The following MKRN2 variants were observed in gnomAD, a reference collection of about 807,000 sequenced individuals.
MKRN2 encodes the protein E3 ubiquitin-protein ligase makorin-2.
A neutral mutation model predicts 45.4 loss-of-function variants in MKRN2; 32 were observed. The observed-to-expected ratio is 0.70, with a 90% CI of 0.53 to 0.95. The LOEUF (loss-of-function observed/expected upper bound fraction) is 0.95, where lower values mean the gene tolerates loss of function less well. Ranked by LOEUF, MKRN2 falls within the 40% of genes least tolerant of loss-of-function variation. MKRN2 has a pLI of 0.00. For synonymous variants in MKRN2, 206 were observed against 192.4 expected, an observed-to-expected ratio of 1.07 and a Z score of -0.59; for missense variants, 526 against 536.7, an observed-to-expected ratio of 0.98 and a Z score of 0.20.
Position 12,576,713 on chromosome 3 carries a change from T to C in MKRN2, c.940T>C (p.Leu314=), listed in dbSNP as rs961314987. ...WVEDQNKKNE[L]IEAFKQGMGK... ...GGAAGATCAGAATAAAAAGAACGAGTTGATTGAAGCTTTCAAACAGGGGAT... is the reference window on the plus strand; with the variant it reads ...GGAAGATCAGAATAAAAAGAACGAGCTGATTGAAGCTTTCAAACAGGGGAT... Residue 314 remains leucine (L), a synonymous_variant, in exon 6 of 8, where the codon TTG becomes CTG. Coordinates refer to ENST00000170447, the MANE Select transcript of MKRN2 (RefSeq NM_014160.5). 2 of 1,607,506 alleles carry C rather than the reference T, an allele frequency of 1.2e-6. No individual in the cohort carries two copies. The highest frequency in any genetic ancestry group is 8.5e-7 in the Non-Finnish European group (1 of 1,174,788).
At chr3:12,582,084 T>C (rs2058184676) in intron 7 of MKRN2, 32 bp from the exon 8 acceptor site, 1 of 1,613,866 alleles carries the variant, frequency 6.2e-7, no homozygotes, top group African/African-American at 1.3e-5. Flanking sequence ...CTCTTAGCAG[T>C]AACCAGGCAT....
At chr3:12,560,970 CAG>C (rs1462598080) in intron 1 of MKRN2, 1 of 152,170 alleles carries the variant, frequency 6.6e-6, no homozygotes, top group Non-Finnish European at 1.5e-5. Flanking sequence ...AAGCACATGA[CAG>C]AGATGCCCCA....
chr3:12,583,451 A>C lies in MKRN2; in HGVS notation c.*1198A>C, dbSNP rs979855024. ...CTTAACTCTTCAGTAGAGGTTTACA[A>C]AGAGTACAAAGGTTAAATTACAAAT... On this transcript the variant is annotated 3_prime_UTR_variant, in exon 8 of 8. Transcript: ENST00000170447. The C allele has an allele frequency of 5.1e-6, 1 of 194,434 alleles. No individual in the cohort carries two copies. The highest frequency in any genetic ancestry group is 1.1e-5 in the Non-Finnish European group (1 of 93,662). 12.0% of individuals were successfully genotyped at this position (194,434 alleles called of 1,614,324 possible).
intron 1 of MKRN2, among the ~76,000 whole-genome samples, chr3:12,565,933 G>A (rs2058066903): frequency 6.6e-6 from 1 of 152,078 alleles, no homozygotes; most frequent in South Asian, 2.1e-4. Context: ...GTACAGTGGT[G>A]CAAACAGAGC....
intron 1 of MKRN2, among the ~76,000 whole-genome samples, chr3:12,562,732 G>A (rs1461238435): frequency 6.6e-6 from 1 of 152,012 alleles, no homozygotes; most frequent in Admixed American, 6.6e-5. Flanking sequence ...GATTCTAATA[G>A]AAGCACTAAC....
At chr3:12,567,737 C>T (rs940309289) in intron 1 of MKRN2, among the ~76,000 whole-genome samples, 16 of 152,100 alleles carry the variant, frequency 1.1e-4, no homozygotes, top group East Asian at 1.9e-4. Flanking sequence ...GTGATGCGCC[C>T]GCCTTGGCCT....
At chr3:12,570,360 C>G (rs947219706) in intron 3 of MKRN2, 108 bp downstream of exon 3, 10 of 1,113,042 alleles carry the variant, frequency 9.0e-6, no homozygotes, top group Non-Finnish European at 1.3e-5. Context: ...ACCTAATACA[C>G]CTCCAGATTG....
At chr3:12,573,240 G>C (rs2058110656) in intron 4 of MKRN2, among the ~76,000 whole-genome samples, 1 of 152,038 alleles carries the variant, frequency 6.6e-6, no homozygotes, top group Non-Finnish European at 1.5e-5. Context: ...AGAGGCGGGG[G>C]AGGGCCAGGC....
At chr3:12,579,865 C>G (rs2058166178) in intron 6 of MKRN2, among the ~76,000 whole-genome samples, 2 of 151,900 alleles carry the variant, frequency 1.3e-5, no homozygotes, top group African/African-American at 2.4e-5. Flanking sequence ...CTTTGGGAGG[C>G]TGAGGAGGGC....
chr3:12,569,921 A>G, intron 2 of MKRN2, 150 bp from the exon 3 acceptor site: 1 of 681,892 alleles, frequency 1.5e-6, no homozygotes, highest in Non-Finnish European at 2.4e-6. Context: ...TTAATAATCG[A>G]TAATCCTGTT....
chr3:12,575,037 A>G (rs2058122872), intron 5 of MKRN2, 31 bp downstream of exon 5: 2 of 1,578,732 alleles, frequency 1.3e-6, no homozygotes, highest in Non-Finnish European at 1.7e-6. Flanking sequence ...TAGCTGTGGG[A>G]GCTAGGAGAA....
intron 2 of MKRN2, among the ~76,000 whole-genome samples, 191 bp downstream of exon 2, chr3:12,569,194 C>G (rs916854760): frequency 1.3e-5 from 2 of 151,828 alleles, no homozygotes; most frequent in African/African-American, 4.8e-5. Context: ...TAGAGTCTCT[C>G]ACTGTTGCCC....
At chr3:12,564,030 C>T (rs1332177182) in intron 1 of MKRN2, among the ~76,000 whole-genome samples, 1 of 151,840 alleles carries the variant, frequency 6.6e-6, no homozygotes, top group Non-Finnish European at 1.5e-5. Flanking sequence ...ACTGCAACCT[C>T]TCCCTCCCAG....
Position 12,576,623 on chromosome 3 carries a change from T to G in MKRN2, c.858-8T>G. 1.3e-6 allele frequency: 2 copies of G among 1,572,864 alleles called. No individual in the cohort carries two copies. Among genetic ancestry groups the G allele is most frequent in the Non-Finnish European group, 1.7e-6 (2 of 1,143,446 alleles). ...ACTTCTCCCTTAGTAATCTAATTCTTATTTCAGGTCTTGTCCAGAATGCCG... is the reference window on the plus strand; with the variant it reads ...ACTTCTCCCTTAGTAATCTAATTCTGATTTCAGGTCTTGTCCAGAATGCCG... On this transcript the variant is annotated splice_polypyrimidine_tract_variant and splice_region_variant and intron_variant, in intron 5 of 7. Coordinates refer to ENST00000170447, the MANE Select transcript of MKRN2 (RefSeq NM_014160.5).
intron 1 of MKRN2, among the ~76,000 whole-genome samples, chr3:12,564,886 G>T (rs1237069582): frequency 6.6e-6 from 1 of 152,284 alleles, no homozygotes; most frequent in East Asian, 1.9e-4. Context: ...GTGGTCTTTT[G>T]TGTCCAGCTT....
intron 5 of MKRN2, 94 bp from the exon 6 acceptor site, chr3:12,576,537 G>C: frequency 1.3e-6 from 1 of 777,574 alleles, no homozygotes. Context: ...GGAAATGCCT[G>C]TAGTGGTGAG....
intron 1 of MKRN2, among the ~76,000 whole-genome samples, chr3:12,565,709 G>A (rs36057901): frequency 0.072 from 10,889 of 151,592 alleles, 515 homozygotes; most frequent in Admixed American, 0.16. Context: ...CTAATTTTTT[G>A]TATATTTTTT....
chr3:12,579,319 G>A (rs1575523618), intron 6 of MKRN2, among the ~76,000 whole-genome samples: 1 of 151,936 alleles, frequency 6.6e-6, no homozygotes, highest in Non-Finnish European at 1.5e-5. Flanking sequence ...TGTGCGCCAC[G>A]ACACCCAGCT....
intron 6 of MKRN2, among the ~76,000 whole-genome samples, chr3:12,579,997 G>A (rs1442612405): frequency 1.3e-5 from 2 of 152,196 alleles, no homozygotes; most frequent in African/African-American, 4.8e-5. Context: ...AGGGAGGCCA[G>A]TGAGGAAGTG....
Sources: gnomAD v4.1 joint callset for allele counts (sites outside exome capture counted in the v4.1 genomes callset) on GRCh38, gnomAD v4.1.1 for gene constraint, MANE v1.5 for transcripts, NCBI Gene and HGNC (gene_info 2026-07-23, HGNC 2026-07-21) for gene names.